The following TNNI3K variants were observed in gnomAD, a reference collection of about 807,000 sequenced individuals.
TNNI3K encodes serine/threonine-protein kinase TNNI3K.
TNNI3K carries 140 observed loss-of-function variants against 114.5 expected under a neutral mutation model. The ratio of observed to expected loss-of-function variants is 1.22; its 90% CI spans 1.07 to 1.41. The LOEUF (loss-of-function observed/expected upper bound fraction) is 1.41. Among genes scored for constraint, TNNI3K ranks in the 40% most tolerant of loss-of-function variants. The pLI is 0.00. For synonymous variants in TNNI3K, 347 were observed against 347.5 expected, an observed-to-expected ratio of 1.00 and a Z score of 0.02; for missense variants, 1,125 against 1,007.6, an observed-to-expected ratio of 1.12 and a Z score of -1.58.
chr1:74,393,884 T>A (rs1180872143), intron 17 of TNNI3K, among the ~76,000 whole-genome samples: 2 of 152,164 alleles, frequency 1.3e-5, no homozygotes, highest in African/African-American at 2.4e-5. Context: ...TGTGCTCCTA[T>A]GAGAATCTAA....
chr1:74,466,492 C>T (rs1015009184), intron 21 of TNNI3K, among the ~76,000 whole-genome samples: 5 of 152,074 alleles, frequency 3.3e-5, no homozygotes, highest in Non-Finnish European at 7.4e-5. Flanking sequence ...GGATAAAAAT[C>T]GATTGCTTAG....
chr1:74,408,498 A>G (rs1434448670), intron 17 of TNNI3K, among the ~76,000 whole-genome samples: 1 of 152,106 alleles, frequency 6.6e-6, no homozygotes, highest in Non-Finnish European at 1.5e-5. Context: ...TGGTTCCTGC[A>G]CTCAGTTCTC....
Position 74,354,001 on chromosome 1 carries a change from A to G in TNNI3K, c.1049A>G (p.His350Arg). ...GHTGLHSACY[H>R]GHIRLVQFLL... is the part of the protein sequence containing the mutation. ...ACAGGATTACACTCTGCTTGCTACC[A>G]CGGTCACATTCGCCTGGTTCAGTTC... is the stretch of plus-strand genomic sequence containing the variant. Residue 350 changes from histidine (H) to arginine (R), a missense_variant, in exon 11 of 25, where the codon CAC (histidine) becomes CGC (arginine). Transcript: ENST00000326637. The G allele has an allele frequency of 6.2e-7, 1 of 1,613,808 alleles. No individual in the cohort carries two copies. The highest frequency in any genetic ancestry group is 8.5e-7 in the Non-Finnish European group (1 of 1,179,910).
At chr1:74,542,165 T>A (rs1016579923) in intron 24 of TNNI3K, among the ~76,000 whole-genome samples, 40 of 152,162 alleles carry the variant, frequency 2.6e-4, no homozygotes, top group Admixed American at 2.4e-3. Flanking sequence ...CTAGCCTCAA[T>A]GCCTTACTGA....
chr1:74,503,868 T>C (rs1376740012), intron 23 of TNNI3K, among the ~76,000 whole-genome samples: 1 of 152,184 alleles, frequency 6.6e-6, no homozygotes, highest in African/African-American at 2.4e-5. Context: ...AATATATAAC[T>C]ATGCATGTTG....
At chr1:74,542,318 T>C (rs1646736902) in intron 24 of TNNI3K, among the ~76,000 whole-genome samples, 1 of 152,190 alleles carries the variant, frequency 6.6e-6, no homozygotes, top group African/African-American at 2.4e-5. Context: ...GTTAGAAAGC[T>C]GATTATGGTC....
chr1:74,484,174 A>G (rs966956724), intron 21 of TNNI3K, among the ~76,000 whole-genome samples: 2 of 151,360 alleles, frequency 1.3e-5, no homozygotes, highest in African/African-American at 2.4e-5. Flanking sequence ...TTTATGTTCA[A>G]AAAAGACAAT....
chr1:74,297,510 AGTGT>A (rs1163611745), intron 5 of TNNI3K, among the ~76,000 whole-genome samples: 1 of 101,172 alleles, frequency 9.9e-6, no homozygotes, highest in Admixed American at 1.0e-4. Context: ...CATCTTGTCC[AGTGT>A]GTGTGTGCGT....
chr1:74,267,425 C>T (rs1180871562), intron 4 of TNNI3K, among the ~76,000 whole-genome samples: 1 of 151,882 alleles, frequency 6.6e-6, no homozygotes, highest in East Asian at 1.9e-4. Context: ...AAGTGAAGTA[C>T]AGACGTTGGA....
intron 11 of TNNI3K, among the ~76,000 whole-genome samples, chr1:74,366,062 A>G (rs1226803851): frequency 6.6e-6 from 1 of 151,892 alleles, no homozygotes; most frequent in Non-Finnish European, 1.5e-5. Context: ...CTGTTCATTT[A>G]AAGTTTTTGC....
At chr1:74,507,882 G>T (rs1183435504) in intron 23 of TNNI3K, among the ~76,000 whole-genome samples, 2 of 152,206 alleles carry the variant, frequency 1.3e-5, no homozygotes, top group Admixed American at 6.5e-5. Context: ...TCTCTGGTTA[G>T]TCAGGTGTTC....
At chr1:74,362,090 G>A (rs866985822) in intron 11 of TNNI3K, among the ~76,000 whole-genome samples, 9 of 152,114 alleles carry the variant, frequency 5.9e-5, no homozygotes, top group South Asian at 4.1e-4. Context: ...AATTTTTGTC[G>A]CCTCTGATCT....
intron 5 of TNNI3K, 107 bp from the exon 6 acceptor site, chr1:74,331,343 T>C: frequency 8.8e-7 from 1 of 1,133,860 alleles, no homozygotes; most frequent in Non-Finnish European, 1.2e-6. Context: ...AGTTGTGTTT[T>C]AGGGTGGCAA....
chr1:74,249,879 G>A (rs1355010026), intron 3 of TNNI3K, among the ~76,000 whole-genome samples: 6 of 152,240 alleles, frequency 3.9e-5, no homozygotes, highest in African/African-American at 1.4e-4. Flanking sequence ...ATATCATCAA[G>A]CAGTTGCTTC....
At chr1:74,397,004 G>T (rs1322689771) in intron 17 of TNNI3K, among the ~76,000 whole-genome samples, 1 of 152,162 alleles carries the variant, frequency 6.6e-6, no homozygotes, top group Admixed American at 6.5e-5. Context: ...TGTAAGGAGA[G>T]AAAGTGTTAA....
intron 1 of TNNI3K, 82 bp from the exon 2 acceptor site, chr1:74,236,020 T>C: frequency 9.8e-7 from 1 of 1,017,642 alleles, no homozygotes. Context: ...AAAAACAGTT[T>C]TGATTACTTG....
intron 2 of TNNI3K, among the ~76,000 whole-genome samples, chr1:74,248,158 G>C (rs1654702771): frequency 6.6e-6 from 1 of 152,132 alleles, no homozygotes; most frequent in Non-Finnish European, 1.5e-5. Flanking sequence ...CAGGTGCTAA[G>C]CCTCTCACTG....
Position 74,369,401 on chromosome 1 carries a change from A to C in TNNI3K, c.1483A>C (p.Asn495His). 6.2e-7 allele frequency: 1 copy of C among 1,610,396 alleles called. No individual in the cohort carries two copies. Among genetic ancestry groups the C allele is most frequent in the Non-Finnish European group, 8.5e-7 (1 of 1,178,146 alleles). ...TGCTGCCATTTCCAGTTATCGAGCC[A>C]ATACCTACTGCTCCAAGTCAGATGT... Reference protein sequence around the residue: ...KIVAIKRYRANTYCSKSDVDM... With the variant: ...KIVAIKRYRAHTYCSKSDVDM... The change falls in exon 16 of 25, where the codon AAT becomes CAT. Residue 495 changes from asparagine to histidine, a missense_variant. Asn to His is a moderately conservative substitution (Grantham distance 68, BLOSUM62 1). Transcript: ENST00000326637.
At chr1:74,348,386 T>C (rs1178038568) in intron 9 of TNNI3K, among the ~76,000 whole-genome samples, 1 of 152,190 alleles carries the variant, frequency 6.6e-6, no homozygotes, top group African/African-American at 2.4e-5. Context: ...TACCATGCTG[T>C]TTTGGTTACT....
Sources: gnomAD v4.1 joint callset for allele counts (sites outside exome capture counted in the v4.1 genomes callset) on GRCh38, gnomAD v4.1.1 for gene constraint, MANE v1.5 for transcripts, NCBI Gene and HGNC (gene_info 2026-07-23, HGNC 2026-07-21) for gene names.